STPG1: variants seen among roughly 807,000 people sequenced by gnomAD.
The protein encoded by STPG1 is O(6)-methylguanine-induced apoptosis 2.
In STPG1, 33 loss-of-function variants were observed where a neutral mutation model predicts 40.1. The observed-to-expected ratio is 0.82, with a 90% confidence interval of 0.62 to 1.10. The LOEUF (loss-of-function observed/expected upper bound fraction) is 1.10, where lower values mean the gene tolerates loss of function less well. Ranked by LOEUF, STPG1 falls within the 50% of genes least tolerant of loss-of-function variation. The probability of loss-of-function intolerance (pLI) is 0.00; values close to 1 mark genes in which losing one functional copy is unlikely to be tolerated. For missense variants in STPG1, 396 were observed against 415.1 expected (o/e 0.95, Z 0.40); for synonymous variants, 150 against 155.0 (o/e 0.97, Z 0.24).
In STPG1 at chr1:24,362,539, C is replaced by T. The variant is rs549612439; in HGVS notation, c.738-1498G>A. Among the ~76,000 whole-genome samples the T allele has an allele frequency of 7.9e-5, 12 of 152,304 alleles. No homozygotes were observed. In the East Asian group the frequency reaches 1.5e-3, roughly 20 times the overall value. ...TGACACTAACTTTATAAAGGAGTTACAATGAACAGAGAAAAGGTATGTAAA... is the reference window on the plus strand; with the variant it reads ...TGACACTAACTTTATAAAGGAGTTATAATGAACAGAGAAAAGGTATGTAAA... On this transcript the variant is annotated intron_variant, in intron 7 of 8. Coordinates refer to ENST00000337248, the MANE Select transcript of STPG1 (RefSeq NM_001199013.2).
At chr1:24,376,108 C>T (rs2148692026) in intron 5 of STPG1, among the ~76,000 whole-genome samples, 1 of 152,332 alleles carries the variant, frequency 6.6e-6, no homozygotes, top group African/African-American at 2.4e-5. Context: ...GCAACCTCCA[C>T]TTTCCAGGTT....
chr1:24,372,168 A>C (rs1439174813), intron 6 of STPG1, among the ~76,000 whole-genome samples: 1 of 152,090 alleles, frequency 6.6e-6, no homozygotes, highest in Non-Finnish European at 1.5e-5. Flanking sequence ...ACAGAGCAAG[A>C]CTCCATCTCC....
chr1:24,407,238 T>A (rs1197898551), intron 1 of STPG1, among the ~76,000 whole-genome samples: 1 of 152,178 alleles, frequency 6.6e-6, no homozygotes, highest in Non-Finnish European at 1.5e-5. Flanking sequence ...TAGGCTACAG[T>A]TTTCACCAAA....
Position 24,364,418 on chromosome 1 carries a change from T to C in STPG1, c.738-3377A>G, listed in dbSNP as rs566408876. 1,135 of 1,490,572 alleles carry C rather than the reference T, an allele frequency of 7.6e-4. 1 individual carries two copies. The highest frequency in any genetic ancestry group is 9.7e-4 in the Non-Finnish European group (1,085 of 1,118,518). The allele number at this position is 1,490,572 out of a possible 1,614,324, so 92.3% of individuals were successfully genotyped here. ...TGGAAGGACGACGGCAGGTCACATCTGAGAGCTCTCAGCTCAGAGTATGTG... is the reference window on the plus strand; with the variant it reads ...TGGAAGGACGACGGCAGGTCACATCCGAGAGCTCTCAGCTCAGAGTATGTG... On this transcript the variant is annotated intron_variant, in intron 7 of 8. Transcript: ENST00000337248.
At chr1:24,374,852 C>T (rs753298110) in intron 5 of STPG1, among the ~76,000 whole-genome samples, 2 of 149,774 alleles carry the variant, frequency 1.3e-5, no homozygotes, top group Non-Finnish European at 3.0e-5. Context: ...TCTTGAACTC[C>T]TAGACTCAAA....
chr1:24,407,837 C>T (rs1213884458), intron 1 of STPG1, among the ~76,000 whole-genome samples: 1 of 152,152 alleles, frequency 6.6e-6, no homozygotes, highest in Admixed American at 6.5e-5. Context: ...CATTTGGGCT[C>T]TTTTTCTATG....
At chr1:24,386,523 G>A (rs376596535) in intron 3 of STPG1, among the ~76,000 whole-genome samples, 5 of 152,306 alleles carry the variant, frequency 3.3e-5, no homozygotes, top group South Asian at 2.1e-4. Context: ...TCACAAAAAC[G>A]GGCAGATGCT....
chr1:24,372,038 C>T lies in STPG1; in HGVS notation c.571+1664G>A, dbSNP rs145649258. 1.9e-3 allele frequency among the ~76,000 whole-genome samples: 283 copies of T among 152,130 alleles called. 2 individuals are homozygous for T. Among genetic ancestry groups the T allele is most frequent in the Middle Eastern group, 3.4e-3 (1 of 294 alleles). ...ACTAAAAATACAAAAGTTAGCCGGG[C>T]GTGGCGGCGCATGCCTGTAATCCCA... On this transcript the variant is annotated intron_variant, in intron 6 of 8. Transcript: ENST00000337248.
rs779394383 is a variant in STPG1, at chr1:24,358,490, G to A, written c.*53C>T. On this transcript the variant is annotated 3_prime_UTR_variant, in exon 9 of 9. Transcript: ENST00000337248. ...TCCTCCTGAGGAATGTCCTGGGGAC[G>A]CTGGGCAGGGTGGGCTGGTGGCTGG... is the stretch of plus-strand genomic sequence containing the variant. 48 of 1,445,934 alleles carry A rather than the reference G, an allele frequency of 3.3e-5. 1 individual carries two copies. In the East Asian group the frequency reaches 7.7e-4, roughly 23 times the overall value. 89.6% of individuals were successfully genotyped at this position (1,445,934 alleles called of 1,614,324 possible).
At chr1:24,367,811 A>C (rs1307329191) in intron 7 of STPG1, among the ~76,000 whole-genome samples, 1 of 152,114 alleles carries the variant, frequency 6.6e-6, no homozygotes, top group Non-Finnish European at 1.5e-5. Flanking sequence ...ACCATGCCCA[A>C]CCGGTAATAG....
chr1:24,392,858 G>A (rs1354760916), intron 2 of STPG1, among the ~76,000 whole-genome samples: 4 of 151,136 alleles, frequency 2.6e-5, no homozygotes, highest in Non-Finnish European at 5.9e-5. Context: ...AGAAATGGGG[G>A]AAAAAAAACA....
intron 5 of STPG1, chr1:24,379,369 T>C: frequency 3.0e-6 from 1 of 333,188 alleles, no homozygotes; most frequent in East Asian, 5.7e-5. Context: ...GAAAACTACG[T>C]CCCAGAAAGG....
chr1:24,384,769 A>C (rs1253138066), intron 3 of STPG1, among the ~76,000 whole-genome samples: 1 of 152,110 alleles, frequency 6.6e-6, no homozygotes, highest in Non-Finnish European at 1.5e-5. Context: ...TTGGTGTCAG[A>C]AGCTTTTCAA....
chr1:24,364,226 C>A (rs1016021379), intron 7 of STPG1: 2 of 1,544,506 alleles, frequency 1.3e-6, no homozygotes, highest in Non-Finnish European at 1.7e-6. Flanking sequence ...CGCCACCCCC[C>A]ACCTGACTGT....
intron 1 of STPG1, among the ~76,000 whole-genome samples, chr1:24,409,980 T>C (rs1043299765): frequency 6.6e-6 from 1 of 152,238 alleles, no homozygotes; most frequent in Non-Finnish European, 1.5e-5. Flanking sequence ...TGCTAAGATC[T>C]ACAGTAAGAA....
intron 7 of STPG1, among the ~76,000 whole-genome samples, chr1:24,361,262 G>C (rs892110867): frequency 2.4e-4 from 36 of 152,218 alleles, no homozygotes; most frequent in Non-Finnish European, 5.9e-5. Flanking sequence ...TTTGAGGTCA[G>C]GGTTGTCAGG....
At chr1:24,375,153 G>C (rs1184598306) in intron 5 of STPG1, among the ~76,000 whole-genome samples, 1 of 152,166 alleles carries the variant, frequency 6.6e-6, no homozygotes, top group Admixed American at 6.5e-5. Context: ...AAATACATTT[G>C]AGAGTGCGCG....
chr1:24,386,402 C>G (rs937222690), intron 3 of STPG1, among the ~76,000 whole-genome samples: 2 of 152,230 alleles, frequency 1.3e-5, no homozygotes, highest in African/African-American at 4.8e-5. Flanking sequence ...AGAGAGTCCT[C>G]CAGGCAGCGG....
intron 1 of STPG1, among the ~76,000 whole-genome samples, chr1:24,410,293 A>G (rs1365112678): frequency 6.6e-6 from 1 of 152,176 alleles, no homozygotes. Context: ...AAAATATGAT[A>G]AATTACAAAA....
Sources: gnomAD v4.1 joint callset for allele counts (sites outside exome capture counted in the v4.1 genomes callset) on GRCh38, gnomAD v4.1.1 for gene constraint, MANE v1.5 for transcripts, NCBI Gene and HGNC (gene_info 2026-07-23, HGNC 2026-07-21) for gene names.